The following SLCO5A1 variants were observed in gnomAD, a reference collection of about 807,000 sequenced individuals.
The protein encoded by SLCO5A1 is organic anion transporter polypeptide-related protein 4.
A neutral mutation model predicts 65.1 loss-of-function variants in SLCO5A1; 39 were observed. That is an observed-to-expected ratio of 0.60 (90% CI 0.46 to 0.78). The LOEUF (loss-of-function observed/expected upper bound fraction) is 0.78, where lower values mean the gene tolerates loss of function less well. SLCO5A1 is among the 30% of genes least tolerant of loss of function. SLCO5A1 has a pLI of 0.00. For synonymous variants in SLCO5A1, 438 were observed against 415.7 expected, an observed-to-expected ratio of 1.05 and a Z score of -0.65; for missense variants, 1,029 against 1,069.4, an observed-to-expected ratio of 0.96 and a Z score of 0.53.
At chr8:69,813,897 C>T (rs533253306) in intron 2 of SLCO5A1, among the ~76,000 whole-genome samples, 1 of 152,274 alleles carries the variant, frequency 6.6e-6, no homozygotes, top group Non-Finnish European at 1.5e-5. Flanking sequence ...GTGGTTAGAT[C>T]CTCGGCTTTG....
Position 69,668,963 on chromosome 8 carries a change from A to G in SLCO5A1, c.*3906T>C, listed in dbSNP as rs1813258609. 6.6e-6 allele frequency: 1 copy of G among 152,216 alleles called. No homozygotes were observed. The highest frequency in any genetic ancestry group is 2.4e-5 in the African/African-American group (1 of 41,450). The allele number at this position is 152,216 out of a possible 1,614,324, so 9.4% of individuals were successfully genotyped here. A position where few individuals can be genotyped will look rare whatever the true frequency, so the allele number is the denominator to read the frequency against. On this transcript the variant is annotated 3_prime_UTR_variant, in exon 10 of 10. Transcript: ENST00000260126. The stretch of plus-strand genomic sequence containing the variant: ...AAAACTCATATTCATCAAAAAACTA[A>G]TAGAGATGTTAATATTCTGAAAGAG...
intron 5 of SLCO5A1, among the ~76,000 whole-genome samples, chr8:69,715,957 C>G (rs921228523): frequency 6.6e-6 from 1 of 152,130 alleles, no homozygotes; most frequent in Non-Finnish European, 1.5e-5. Context: ...AAACACCACA[C>G]CCATTAGCTA....
intron 2 of SLCO5A1, among the ~76,000 whole-genome samples, chr8:69,779,707 A>T (rs1435960037): frequency 6.6e-6 from 1 of 152,186 alleles, no homozygotes; most frequent in Non-Finnish European, 1.5e-5. Context: ...TAGAACCCAA[A>T]TTAGAACTTA....
intron 6 of SLCO5A1, among the ~76,000 whole-genome samples, chr8:69,700,955 G>T (rs907505584): frequency 1.3e-5 from 2 of 151,984 alleles, no homozygotes; most frequent in Non-Finnish European, 2.9e-5. Context: ...CAAAAAAGAG[G>T]ACTCCACAGA....
chr8:69,788,588 T>C (rs943938109), intron 2 of SLCO5A1, among the ~76,000 whole-genome samples: 3 of 152,118 alleles, frequency 2.0e-5, no homozygotes, highest in Non-Finnish European at 4.4e-5. Flanking sequence ...ACTAACATCA[T>C]AGTATATGAG....
At chr8:69,809,067 G>A (rs1405015232) in intron 2 of SLCO5A1, among the ~76,000 whole-genome samples, 1 of 152,154 alleles carries the variant, frequency 6.6e-6, no homozygotes, top group African/African-American at 2.4e-5. Context: ...TAGCACCATT[G>A]CACTCCAGCC....
At chr8:69,778,657 T>A (rs1329074534) in intron 2 of SLCO5A1, among the ~76,000 whole-genome samples, 1 of 152,254 alleles carries the variant, frequency 6.6e-6, no homozygotes, top group Non-Finnish European at 1.5e-5. Flanking sequence ...TAGCTTTATA[T>A]TATTCAGCTG....
chr8:69,827,142 T>G (rs1197167807), intron 2 of SLCO5A1, among the ~76,000 whole-genome samples: 1 of 108,014 alleles, frequency 9.3e-6, no homozygotes. Flanking sequence ...CTCTGGGGAC[T>G]GTTGTGGGGT....
intron 3 of SLCO5A1, among the ~76,000 whole-genome samples, chr8:69,761,097 G>A (rs1235912922): frequency 6.6e-6 from 1 of 152,106 alleles, no homozygotes; most frequent in Non-Finnish European, 1.5e-5. Context: ...AAGTCCCCAC[G>A]CAGCCACAGC....
rs1000708649 is a variant in SLCO5A1, at chr8:69,679,541, G to T, written c.1861C>A (p.Leu621Ile). 13 of 1,614,224 alleles carry T rather than the reference G, an allele frequency of 8.1e-6. No homozygotes were observed. Among genetic ancestry groups the T allele is most frequent in the Non-Finnish European group, 1.0e-5 (12 of 1,180,044 alleles). The change falls in exon 8 of 10, where the codon CTC (leucine) becomes ATC (isoleucine). Residue 621 changes from leucine (L) to isoleucine (I), a missense_variant. By Grantham distance (5) the Leu-to-Ile change is conservative (BLOSUM62 2). Around this residue, in one of 3 missense-constraint regions of SLCO5A1, gnomAD observed 124 missense variants for 184.5 expected, o/e 0.67. Coordinates refer to ENST00000260126, the MANE Select transcript of SLCO5A1 (RefSeq NM_030958.3). ...TPPTVGQRSQ[L>I]RVVIVKTYLN... ...TAAGTCTTGACAATAACCACACGGA[G>T]CTGACTTCGCTGTCCCACGGTGGGT...
chr8:69,722,277 G>A (rs1815862534), intron 5 of SLCO5A1, among the ~76,000 whole-genome samples: 2 of 152,172 alleles, frequency 1.3e-5, no homozygotes, highest in Admixed American at 6.5e-5. Context: ...AACTCATGGA[G>A]GGAAATAAGC....
intron 5 of SLCO5A1, among the ~76,000 whole-genome samples, chr8:69,720,359 G>C (rs550915383): frequency 6.6e-6 from 1 of 152,164 alleles, no homozygotes; most frequent in Non-Finnish European, 1.5e-5. Flanking sequence ...GTTCACCAAC[G>C]ACCCCAGATA....
At chr8:69,826,276 A>T (rs1820910483) in intron 2 of SLCO5A1, among the ~76,000 whole-genome samples, 1 of 151,858 alleles carries the variant, frequency 6.6e-6, no homozygotes, top group Non-Finnish European at 1.5e-5. Context: ...CAAAATTGAC[A>T]AATGGGATCT....
At chr8:69,783,464 T>A (rs185172032) in intron 2 of SLCO5A1, among the ~76,000 whole-genome samples, 4 of 151,858 alleles carry the variant, frequency 2.6e-5, no homozygotes, top group African/African-American at 4.8e-5. Context: ...CTACGAAAAA[T>A]TTTTTAAATG....
intron 2 of SLCO5A1, among the ~76,000 whole-genome samples, chr8:69,829,991 A>G (rs1438164763): frequency 2.6e-5 from 4 of 152,202 alleles, no homozygotes; most frequent in Non-Finnish European, 5.9e-5. Context: ...TTATTATACT[A>G]TTGTTTCAAC....
At chr8:69,742,610 T>G (rs1816833533) in intron 4 of SLCO5A1, among the ~76,000 whole-genome samples, 1 of 152,162 alleles carries the variant, frequency 6.6e-6, no homozygotes, top group African/African-American at 2.4e-5. Flanking sequence ...GCAGATCATT[T>G]GCTCCTTCCA....
chr8:69,803,549 C>T lies in SLCO5A1; in HGVS notation c.907+28218G>A, dbSNP rs191292343. Among the ~76,000 whole-genome samples the T allele has an allele frequency of 1.4e-3, 214 of 152,224 alleles. 1 individual carries two copies. The highest frequency in any genetic ancestry group is 4.9e-3 in the African/African-American group (205 of 41,534). On this transcript the variant is annotated intron_variant, in intron 2 of 9. Coordinates refer to ENST00000260126, the MANE Select transcript of SLCO5A1 (RefSeq NM_030958.3). ...TGTCTCAAAAAAAAACAAAAAAACA[C>T]GGAGCCTTGTTACCAAACCAGGGAT...
At chr8:69,822,073 G>T (rs1373526825) in intron 2 of SLCO5A1, among the ~76,000 whole-genome samples, 1 of 151,638 alleles carries the variant, frequency 6.6e-6, no homozygotes, top group East Asian at 1.9e-4. Context: ...TTGCAGTGAG[G>T]CAAGACAGTG....
intron 2 of SLCO5A1, among the ~76,000 whole-genome samples, chr8:69,793,829 A>G (rs1819372821): frequency 6.6e-6 from 1 of 151,980 alleles, no homozygotes; most frequent in South Asian, 2.1e-4. Flanking sequence ...TAAAATTTTT[A>G]AAAATGAGAG....
Sources: gnomAD v4.1 joint callset for allele counts (sites outside exome capture counted in the v4.1 genomes callset) on GRCh38, gnomAD v4.1.1 for gene constraint, gnomAD v4.1.1 regional missense constraint, MANE v1.5 for transcripts, NCBI Gene and HGNC (gene_info 2026-07-23, HGNC 2026-07-21) for gene names.